The following FCGRT variants were observed in gnomAD, a reference collection of about 807,000 sequenced individuals.
FCGRT encodes the protein IgG receptor FcRn large subunit p51.
A neutral mutation model predicts 35.7 loss-of-function variants in FCGRT; 13 were observed. The ratio of observed to expected loss-of-function variants is 0.36; its 90% CI spans 0.24 to 0.58. The LOEUF (loss-of-function observed/expected upper bound fraction) is 0.58, where lower values mean the gene tolerates loss of function less well. Ranked by LOEUF, FCGRT falls within the 20% of genes least tolerant of loss-of-function variation. The pLI, the probability that FCGRT is intolerant of heterozygous loss-of-function variation, is 0.77. For missense variants in FCGRT, 455 were observed against 474.9 expected (o/e 0.96, Z 0.39); for synonymous variants, 233 against 216.5 (o/e 1.08, Z -0.67).
In FCGRT at chr19:49,525,580, G is replaced by T. The variant is rs1401874919; in HGVS notation, c.988+7G>T. 1.3e-6 allele frequency: 2 copies of T among 1,588,324 alleles called. No individual in the cohort carries two copies. ...ATGAGGAGTGGGCTGCCAGGTGGGG[G>T]GCAGCGGGAGGAAGAGCCTCTGAGA... On this transcript the variant is annotated splice_region_variant and intron_variant, in intron 6 of 6. Coordinates refer to ENST00000221466, the MANE Select transcript of FCGRT (RefSeq NM_001136019.3).
chr19:49,524,969 C>T (rs1192845461), intron 5 of FCGRT, 193 bp downstream of exon 5: 1 of 702,126 alleles, frequency 1.4e-6, no homozygotes, highest in African/African-American at 1.7e-5. Context: ...CCTTCCGTCT[C>T]CTGCTGCTTC....
At chr19:49,517,280 C>G (rs537159715) in intron 4 of FCGRT, among the ~76,000 whole-genome samples, 39 of 152,216 alleles carry the variant, frequency 2.6e-4, no homozygotes, top group Admixed American at 6.5e-4. Flanking sequence ...CACTTAAGGT[C>G]AGGAGTTTGA....
chr19:49,514,691 CTTT>C (rs559894159), intron 4 of FCGRT, among the ~76,000 whole-genome samples: 8 of 137,022 alleles, frequency 5.8e-5, no homozygotes, highest in African/African-American at 8.2e-5. Context: ...TCCTTGCCTT[CTTT>C]TTTTTTTTTT....
At chr19:49,522,831 G>A (rs1237390957) in intron 4 of FCGRT, among the ~76,000 whole-genome samples, 3 of 138,962 alleles carry the variant, frequency 2.2e-5, no homozygotes, top group South Asian at 2.4e-4. Flanking sequence ...AGGCTGGAGT[G>A]CAGTGGCGCA....
chr19:49,514,649 C>T (rs1261781086), intron 4 of FCGRT, among the ~76,000 whole-genome samples, 163 bp downstream of exon 4: 1 of 152,012 alleles, frequency 6.6e-6, no homozygotes, highest in Non-Finnish European at 1.5e-5. Flanking sequence ...CATGGCTCCC[C>T]AGCGCCCCCC....
chr19:49,514,363 ATCAG>A lies in FCGRT; in HGVS notation c.483_486del (p.Gln162GlyfsTer45). ...TGGGGACTGGCCCGAGGCCCTGGCTATCAGTCAGCGGTGGCAGCAGCAGGACAAG... is the reference window on the plus strand; with the variant it reads ...TGGGGACTGGCCCGAGGCCCTGGCTATCAGCGGTGGCAGCAGCAGGACAAG... On this transcript the variant is annotated frameshift_variant, in exon 4 of 7. Coordinates refer to ENST00000221466, the MANE Select transcript of FCGRT (RefSeq NM_001136019.3). LOFTEE classifies it high-confidence loss of function. The A allele has an allele frequency of 6.2e-7, 1 of 1,613,256 alleles. No individual in the cohort carries two copies. Among genetic ancestry groups the A allele is most frequent in the Non-Finnish European group, 8.5e-7 (1 of 1,179,596 alleles).
At chr19:49,525,256 G>C in intron 5 of FCGRT, 12 of 576,508 alleles carry the variant, frequency 2.1e-5, no homozygotes, top group South Asian at 2.0e-4. Context: ...GTGTGACCGC[G>C]GCCGCTCGTG....
intron 4 of FCGRT, among the ~76,000 whole-genome samples, chr19:49,515,011 T>TTG (rs2079999702): frequency 6.6e-6 from 1 of 150,390 alleles, no homozygotes; most frequent in African/African-American, 2.5e-5. Context: ...TTTTTTTTTT[T>TTG]GAGACAGATT....
intron 4 of FCGRT, among the ~76,000 whole-genome samples, chr19:49,519,574 G>A (rs2080028334): frequency 2.0e-5 from 3 of 152,074 alleles, no homozygotes; most frequent in South Asian, 4.1e-4. Flanking sequence ...ATCCTGTGAT[G>A]TTGCTGGAAA....
At chr19:49,514,996 C>CA (rs1408678397) in intron 4 of FCGRT, among the ~76,000 whole-genome samples, 2 of 145,510 alleles carry the variant, frequency 1.4e-5, no homozygotes, top group East Asian at 2.0e-4. Context: ...CTGGCTCCCC[C>CA]CTTTTTTTTT....
rs923484282 is a variant in FCGRT, at chr19:49,525,328, C to T, written c.872-129C>T. 5 of 769,382 alleles carry T rather than the reference C, an allele frequency of 6.5e-6. No homozygotes were observed. The Admixed American group carries it at 8.8e-5, about 14-fold the overall frequency. The allele number at this position is 769,382 out of a possible 1,614,324, so 47.7% of individuals were successfully genotyped here. On this transcript the variant is annotated intron_variant, in intron 5 of 6. Coordinates refer to ENST00000221466, the MANE Select transcript of FCGRT (RefSeq NM_001136019.3). The stretch of plus-strand genomic sequence containing the variant: ...TGCCCAGATCGCCTGCCTGGCCTCG[C>T]CTCTGCCCATCAGACACTTGGTGCT...
intron 1 of FCGRT, 158 bp from the exon 2 acceptor site, chr19:49,513,229 G>C (rs2079983807): frequency 5.1e-6 from 2 of 396,016 alleles, no homozygotes; most frequent in East Asian, 7.2e-5. Context: ...CAGTTCAGGG[G>C]TGAAAGTTCT....
intron 4 of FCGRT, among the ~76,000 whole-genome samples, chr19:49,514,690 T>C (rs1057166955): frequency 1.4e-5 from 2 of 146,474 alleles, no homozygotes; most frequent in Non-Finnish European, 3.0e-5. Context: ...TTCCTTGCCT[T>C]CTTTTTTTTT....
chr19:49,526,070 C>T lies in FCGRT; in HGVS notation c.1049C>T (p.Ala350Val). ...TGVLLPTPGE[A>V]QDADLKDVNV... ...GTCCTCCTGCCCACCCCAGGGGAGG[C>T]CCAGGATGCTGATTTGAAGGATGTA... Residue 350 changes from alanine (A) to valine (V), a missense_variant, in exon 7 of 7, where the codon GCC becomes GTC. Ala to Val is a moderately conservative substitution (Grantham distance 64). Transcript: ENST00000221466. 1.2e-6 allele frequency: 2 copies of T among 1,613,666 alleles called. No homozygotes were observed. Among genetic ancestry groups the T allele is most frequent in the Non-Finnish European group, 1.7e-6 (2 of 1,179,706 alleles).
Position 49,524,738 on chromosome 19 carries a change from A to G in FCGRT, c.833A>G (p.Gln278Arg). 1 of 1,601,638 alleles carries G rather than the reference A, an allele frequency of 6.2e-7. No homozygotes were observed. Among genetic ancestry groups the G allele is most frequent in the Non-Finnish European group, 8.5e-7 (1 of 1,179,894 alleles). ...GDEHHYCCIV[Q>R]HAGLAQPLRV... ...GAGCACCACTACTGCTGCATTGTGCAGCACGCGGGGCTGGCGCAGCCCCTC... is the reference window on the plus strand; with the variant it reads ...GAGCACCACTACTGCTGCATTGTGCGGCACGCGGGGCTGGCGCAGCCCCTC... The change falls in exon 5 of 7, where the codon CAG becomes CGG. Residue 278 changes from glutamine to arginine, a missense_variant. Coordinates refer to ENST00000221466, the MANE Select transcript of FCGRT (RefSeq NM_001136019.3).
chr19:49,513,414 G>T lies in FCGRT; in HGVS notation c.14G>T (p.Arg5Leu). 1 of 1,224,366 alleles carries T rather than the reference G, an allele frequency of 8.2e-7. No individual in the cohort carries two copies. The highest frequency in any genetic ancestry group is 1.0e-6 in the Non-Finnish European group (1 of 974,946). The allele number at this position is 1,224,366 out of a possible 1,614,324, so 75.8% of individuals were successfully genotyped here. A position where few individuals can be genotyped will look rare whatever the true frequency, so the allele number is the denominator to read the frequency against. The change falls in exon 2 of 7, where the codon CGG becomes CTG. Residue 5 changes from arginine (R) to leucine (L), a missense_variant. Arg to Leu is a moderately radical substitution (Grantham distance 102). Coordinates refer to ENST00000221466, the MANE Select transcript of FCGRT (RefSeq NM_001136019.3). ...CGTCCTCTCAGCATGGGGGTCCCGC[G>T]GCCTCAGCCCTGGGCGCTGGGGCTC... MGVP[R>L]PQPWALGLLL...
At position 49,514,756 on chromosome 19, in the gene FCGRT, C is replaced by T. The variant is rs1007508442; in HGVS notation, c.601+270C>T. Among the ~76,000 whole-genome samples the T allele has an allele frequency of 4.7e-5, 7 of 150,208 alleles. No individual in the cohort carries two copies. In the East Asian group the frequency reaches 5.9e-4, roughly 13 times the overall value. ...TTGCCCAGGCTGGAGTGTAATGGCG[C>T]GATCTCGGCTCACCACAACCTCCGC... On this transcript the variant is annotated intron_variant, in intron 4 of 6. Coordinates refer to ENST00000221466, the MANE Select transcript of FCGRT (RefSeq NM_001136019.3).
chr19:49,520,385 G>A (rs1264613240), intron 4 of FCGRT, among the ~76,000 whole-genome samples: 1 of 135,972 alleles, frequency 7.4e-6, no homozygotes, highest in African/African-American at 2.8e-5. Context: ...CACTCTTATT[G>A]CGCAGGCTGG....
At position 49,524,681 on chromosome 19, in the gene FCGRT, C is replaced by T. The variant is rs1331792548; in HGVS notation, c.776C>T (p.Ala259Val). 1 of 1,604,368 alleles carries T rather than the reference C, an allele frequency of 6.2e-7. No individual in the cohort carries two copies. The highest frequency in any genetic ancestry group is 1.7e-5 in the Admixed American group (1 of 60,022). ...CCCAACAGTGACGGATCCTTCCACG[C>T]CTCGTCGTCACTAACAGTCAAAAGT... ...FGPNSDGSFHASSSLTVKSGD... is the reference protein window; with the variant it reads ...FGPNSDGSFHVSSSLTVKSGD... Residue 259 changes from alanine to valine, a missense_variant, in exon 5 of 7, where the codon GCC becomes GTC. This residue lies in a region of FCGRT where 312 missense variants were observed against 296.1 expected (regional missense o/e 1.05). Coordinates refer to ENST00000221466, the MANE Select transcript of FCGRT (RefSeq NM_001136019.3).
Sources: gnomAD v4.1 joint callset for allele counts (sites outside exome capture counted in the v4.1 genomes callset) on GRCh38, gnomAD v4.1.1 for gene constraint, gnomAD v4.1.1 regional missense constraint, MANE v1.5 for transcripts, NCBI Gene and HGNC (gene_info 2026-07-23, HGNC 2026-07-21) for gene names.